Variants in NXPH2 observed in about 807,000 individuals in gnomAD.
The protein encoded by NXPH2 is neurexophilin-2.
A neutral mutation model predicts 19.8 loss-of-function variants in NXPH2; 5 were observed. That is an observed-to-expected ratio of 0.25 (90% CI 0.13 to 0.53). The LOEUF (loss-of-function observed/expected upper bound fraction) is 0.53. Ranked by LOEUF, NXPH2 falls within the 20% of genes least tolerant of loss-of-function variation. The probability of loss-of-function intolerance (pLI) is 0.96; values close to 1 mark genes in which losing one functional copy is unlikely to be tolerated. For missense variants in NXPH2, 289 were observed against 322.8 expected, an observed-to-expected ratio of 0.90 and a Z score of 0.80; for synonymous variants, 154 against 127.4, an observed-to-expected ratio of 1.21 and a Z score of -1.41.
Position 138,728,690 on chromosome 2 carries a change from G to T in NXPH2, c.51+51501C>A, listed in dbSNP as rs555638302. On this transcript the variant is annotated intron_variant, in intron 1 of 1. Transcript: ENST00000272641. Reference sequence around the variant, plus strand: ...TTTTAAATTCCTACATGAAAATCCTGCCAGAACATCAATGTAGATGCATTT... The same window carrying T: ...TTTTAAATTCCTACATGAAAATCCTTCCAGAACATCAATGTAGATGCATTT... Among the ~76,000 whole-genome samples, 36 of 152,292 alleles carry T rather than the reference G, an allele frequency of 2.4e-4. No homozygotes were observed. The South Asian group carries it at 7.4e-3, about 32-fold the overall frequency.
chr2:138,725,307 A>C (rs1185407673), intron 1 of NXPH2, among the ~76,000 whole-genome samples: 2 of 152,204 alleles, frequency 1.3e-5, no homozygotes, highest in Non-Finnish European at 1.5e-5. Flanking sequence ...CTGAGCTTGC[A>C]TTCCAAAATA....
At chr2:138,777,647 T>C (rs889110880) in intron 1 of NXPH2, among the ~76,000 whole-genome samples, 7 of 151,914 alleles carry the variant, frequency 4.6e-5, no homozygotes, top group African/African-American at 1.7e-4. Context: ...TCCCTGTGAC[T>C]GCTTTCAGAA....
At chr2:138,756,856 G>T (rs1681917557) in intron 1 of NXPH2, among the ~76,000 whole-genome samples, 1 of 152,126 alleles carries the variant, frequency 6.6e-6, no homozygotes, top group African/African-American at 2.4e-5. Context: ...TTAAATTATA[G>T]CCTTAATTTT....
rs1682327730 is a variant in NXPH2, at chr2:138,780,096, C to T, written c.51+95G>A. 2.4e-6 allele frequency: 3 copies of T among 1,276,060 alleles called. 1 individual carries two copies. The highest frequency in any genetic ancestry group is 6.6e-5 in the Admixed American group (2 of 30,176). 79.0% of individuals were successfully genotyped at this position (1,276,060 alleles called of 1,614,324 possible). On this transcript the variant is annotated intron_variant, in intron 1 of 1. Coordinates refer to ENST00000272641, the MANE Select transcript of NXPH2 (RefSeq NM_007226.3). ...CGCGCCCCCAACCCCACTTCCCAAG[C>T]AGGCCCAGGCTGGGCTCCAAGTCAG...
chr2:138,739,375 G>A (rs1364223844), intron 1 of NXPH2, among the ~76,000 whole-genome samples: 1 of 152,216 alleles, frequency 6.6e-6, no homozygotes, highest in East Asian at 1.9e-4. Flanking sequence ...ACATTCAGAA[G>A]AGGGAGAGAT....
At chr2:138,706,075 T>C (rs1681005066) in intron 1 of NXPH2, among the ~76,000 whole-genome samples, 1 of 152,228 alleles carries the variant, frequency 6.6e-6, no homozygotes. Flanking sequence ...TACAGTTTTA[T>C]GTATCAGAGT....
intron 1 of NXPH2, among the ~76,000 whole-genome samples, chr2:138,731,319 T>C (rs1681445572): frequency 3.3e-5 from 5 of 152,130 alleles, no homozygotes; most frequent in Admixed American, 3.3e-4. Flanking sequence ...CTGATAGGAT[T>C]TAGGAAAAGC....
At chr2:138,675,321 C>T (rs538239617) in intron 1 of NXPH2, among the ~76,000 whole-genome samples, 4 of 152,070 alleles carry the variant, frequency 2.6e-5, no homozygotes, top group African/African-American at 9.6e-5. Context: ...GCCCAATTTT[C>T]TCCTCACTTT....
chr2:138,686,573 T>A (rs1464338334), intron 1 of NXPH2, among the ~76,000 whole-genome samples: 1 of 152,180 alleles, frequency 6.6e-6, no homozygotes, highest in Non-Finnish European at 1.5e-5. Context: ...TTATTATACT[T>A]TAAGTTCTAG....
At chr2:138,730,749 G>A (rs1027937478) in intron 1 of NXPH2, among the ~76,000 whole-genome samples, 5 of 152,088 alleles carry the variant, frequency 3.3e-5, no homozygotes, top group Non-Finnish European at 7.4e-5. Context: ...TCTTCTCAGC[G>A]GGTGCTCTGT....
chr2:138,730,319 C>T (rs1167068056), intron 1 of NXPH2, among the ~76,000 whole-genome samples: 1 of 152,042 alleles, frequency 6.6e-6, no homozygotes, highest in Non-Finnish European at 1.5e-5. Context: ...CACAGCCTCC[C>T]CAGTAATTGG....
rs1011418516 is a variant in NXPH2 at position 138,699,425 on chromosome 2, C to G, written c.52-27760G>C. On this transcript the variant is annotated intron_variant, in intron 1 of 1. Transcript: ENST00000272641. ...AAACAAGGCAATCTAGATTACCAGT[C>G]TATGCCTTGTGAATAATTCATTAAG... 1.2e-4 allele frequency among the ~76,000 whole-genome samples: 18 copies of G among 152,212 alleles called. No homozygotes were observed. In the East Asian group the frequency reaches 2.5e-3, roughly 21 times the overall value.
chr2:138,715,099 C>T (rs576579135), intron 1 of NXPH2, among the ~76,000 whole-genome samples: 1 of 152,252 alleles, frequency 6.6e-6, no homozygotes, highest in African/African-American at 2.4e-5. Flanking sequence ...TCCGAGCATG[C>T]TAAAAAGAAT....
chr2:138,728,155 G>GCTCTCT lies in NXPH2; in HGVS notation c.51+52030_51+52035dup, dbSNP rs58409379. 4.4e-4 allele frequency among the ~76,000 whole-genome samples: 66 copies of GCTCTCT among 148,752 alleles called. 1 individual carries two copies. Among genetic ancestry groups the GCTCTCT allele is most frequent in the African/African-American group, 1.4e-3 (55 of 40,730 alleles). On this transcript the variant is annotated intron_variant, in intron 1 of 1. Transcript: ENST00000272641. ...TTAAGAGAAGAAGACACCAGAGTGC[G>GCTCTCT]CTCTCTCTCTCTCTCTCTCTCTCTG...
intron 1 of NXPH2, among the ~76,000 whole-genome samples, chr2:138,702,230 C>T (rs1041431563): frequency 1.2e-4 from 19 of 152,170 alleles, no homozygotes; most frequent in African/African-American, 4.6e-4. Context: ...GTTCCTCCTG[C>T]CTCAGCCTTC....
At chr2:138,702,929 T>C (rs1573959750) in intron 1 of NXPH2, among the ~76,000 whole-genome samples, 2 of 152,244 alleles carry the variant, frequency 1.3e-5, no homozygotes, top group South Asian at 2.1e-4. Flanking sequence ...GTAAAGCAAA[T>C]GAATGCTAAA....
intron 1 of NXPH2, among the ~76,000 whole-genome samples, chr2:138,738,846 T>C (rs1385404536): frequency 6.6e-6 from 1 of 152,204 alleles, no homozygotes; most frequent in Non-Finnish European, 1.5e-5. Context: ...AATCGGATGA[T>C]TGGGAACTTT....
intron 1 of NXPH2, among the ~76,000 whole-genome samples, chr2:138,733,050 A>G (rs1409623959): frequency 6.6e-6 from 1 of 152,200 alleles, no homozygotes; most frequent in Non-Finnish European, 1.5e-5. Context: ...AATCCTTCAA[A>G]TGCCTTATAT....
intron 1 of NXPH2, among the ~76,000 whole-genome samples, chr2:138,769,028 G>T (rs550235015): frequency 6.6e-6 from 1 of 152,312 alleles, no homozygotes; most frequent in East Asian, 1.9e-4. Flanking sequence ...ATAAATATTG[G>T]AGGAGAGATT....
Sources: gnomAD v4.1 joint callset for allele counts (sites outside exome capture counted in the v4.1 genomes callset) on GRCh38, gnomAD v4.1.1 for gene constraint, MANE v1.5 for transcripts, NCBI Gene and HGNC (gene_info 2026-07-23, HGNC 2026-07-21) for gene names.